BFSP1: variants seen among roughly 807,000 people sequenced by gnomAD.
BFSP1 encodes the protein filensin.
Under a neutral mutation model 43.9 loss-of-function variants are expected in BFSP1, and 38 were observed. That is an observed-to-expected ratio of 0.87 (90% CI 0.67 to 1.14). The LOEUF is 1.14. Ranked by LOEUF, BFSP1 falls within the 50% of genes most tolerant of loss-of-function variation. The probability of loss-of-function intolerance (pLI) is 0.00; values close to 1 mark genes in which losing one functional copy is unlikely to be tolerated. For missense variants in BFSP1, 850 were observed against 875.1 expected, an observed-to-expected ratio of 0.97 and a Z score of 0.36; for synonymous variants, 352 against 354.8, an observed-to-expected ratio of 0.99 and a Z score of 0.09.
intron 2 of BFSP1, among the ~76,000 whole-genome samples, chr20:17,517,719 G>A (rs1238429132): frequency 6.6e-6 from 1 of 152,204 alleles, no homozygotes; most frequent in Non-Finnish European, 1.5e-5. Context: ...TAAGTTAGTA[G>A]TGAGATATCT....
chr20:17,505,832 A>C (rs140996961), intron 5 of BFSP1, among the ~76,000 whole-genome samples: 1,569 of 152,296 alleles, frequency 0.01, 31 homozygotes, highest in African/African-American at 0.035. Flanking sequence ...CCACTGAGTC[A>C]GGAGCTCCCG....
chr20:17,556,541 A>G (rs1232135787), intron 1 of BFSP1, among the ~76,000 whole-genome samples: 1 of 152,120 alleles, frequency 6.6e-6, no homozygotes, highest in East Asian at 1.9e-4. Context: ...AAACACAGGA[A>G]CACAAAACTA....
At chr20:17,496,582 G>A (rs1210127781) in intron 7 of BFSP1, among the ~76,000 whole-genome samples, 2 of 152,108 alleles carry the variant, frequency 1.3e-5, no homozygotes, top group Non-Finnish European at 2.9e-5. Flanking sequence ...CCGAGCGGAG[G>A]GAGCAAGAAG....
chr20:17,517,566 G>GAGCC (rs2034226981), intron 2 of BFSP1, among the ~76,000 whole-genome samples: 1 of 152,168 alleles, frequency 6.6e-6, no homozygotes, highest in Non-Finnish European at 1.5e-5. Flanking sequence ...TTACAGGTGT[G>GAGCC]AGCCACCGTG....
rs142199127 is a variant in BFSP1, at chr20:17,521,383, A to G, written c.438+3465T>C. On this transcript the variant is annotated intron_variant, in intron 2 of 7. Coordinates refer to ENST00000377873, the MANE Select transcript of BFSP1 (RefSeq NM_001195.5). ...TGGTTTTGTGAAGGCAGGGGCCATC[A>G]GTCCTTTCACATACACTGCAATATC... Among the ~76,000 whole-genome samples the G allele has an allele frequency of 5.8e-3, 880 of 152,354 alleles. 6 individuals are homozygous for G. The highest frequency in any genetic ancestry group is 0.02 in the East Asian group (104 of 5,194).
chr20:17,560,982 T>C (rs574004005), upstream of BFSP1, among the ~76,000 whole-genome samples: 11 of 152,350 alleles, frequency 7.2e-5, no homozygotes, highest in African/African-American at 2.4e-4. Context: ...CTCTCTTGTT[T>C]TTACATGTTA....
intron 1 of BFSP1, among the ~76,000 whole-genome samples, chr20:17,530,088 T>C (rs2123533278): frequency 6.6e-6 from 1 of 152,320 alleles, no homozygotes; most frequent in South Asian, 2.1e-4. Context: ...CTTGTTAAAA[T>C]GCAGATTCTG....
intron 2 of BFSP1, among the ~76,000 whole-genome samples, chr20:17,515,521 C>T (rs981129190): frequency 2.0e-5 from 3 of 152,160 alleles, no homozygotes; most frequent in African/African-American, 2.4e-5. Flanking sequence ...AGGTTGGAAA[C>T]GACATTGATC....
intron 1 of BFSP1, among the ~76,000 whole-genome samples, chr20:17,554,702 C>T (rs978654251): frequency 2.6e-5 from 4 of 152,164 alleles, no homozygotes; most frequent in African/African-American, 4.8e-5. Context: ...AGATAAGGAT[C>T]GCCACCAGTC....
At chr20:17,566,640 T>C (rs1377661769) in intron 1 of BFSP1, among the ~76,000 whole-genome samples, 1 of 152,182 alleles carries the variant, frequency 6.6e-6, no homozygotes, top group African/African-American at 2.4e-5. Context: ...ATGGTGGAAG[T>C]GGCAAGCAGT....
chr20:17,546,880 C>T (rs529328084), intron 1 of BFSP1, among the ~76,000 whole-genome samples: 21 of 149,670 alleles, frequency 1.4e-4, no homozygotes, highest in Non-Finnish European at 2.5e-4. Flanking sequence ...AAAAATTAGC[C>T]GGGTGTGGTG....
chr20:17,509,603 A>T (rs1176946312), intron 4 of BFSP1, among the ~76,000 whole-genome samples: 1 of 151,882 alleles, frequency 6.6e-6, no homozygotes, highest in East Asian at 1.9e-4. Flanking sequence ...AAAGGATTTG[A>T]CTCTCAAAGC....
At chr20:17,553,877 A>G (rs150853593) in intron 1 of BFSP1, among the ~76,000 whole-genome samples, 3,436 of 134,526 alleles carry the variant, frequency 0.026, 127 homozygotes, top group Non-Finnish European at 0.039. Flanking sequence ...ATATACATAT[A>G]TATATATACA....
intron 2 of BFSP1, among the ~76,000 whole-genome samples, chr20:17,523,945 GT>G (rs1312461099): frequency 6.6e-6 from 1 of 152,078 alleles, no homozygotes; most frequent in Non-Finnish European, 1.5e-5. Context: ...GGAGTTCCAT[GT>G]GGCAAAGAAG....
intron 1 of BFSP1, among the ~76,000 whole-genome samples, chr20:17,529,335 C>G (rs2034485534): frequency 6.6e-6 from 1 of 152,208 alleles, no homozygotes; most frequent in African/African-American, 2.4e-5. Context: ...CTTGGCCTCC[C>G]AAAGTGCTGG....
At chr20:17,548,090 A>G (rs1156306320) in intron 1 of BFSP1, among the ~76,000 whole-genome samples, 1 of 150,586 alleles carries the variant, frequency 6.6e-6, no homozygotes, top group Non-Finnish European at 1.5e-5. Context: ...AACAAATATT[A>G]ATAGTGGGCA....
At position 17,494,470 on chromosome 20, in the gene BFSP1, T is replaced by A; in HGVS notation, c.1602A>T (p.Gly534=). 6.2e-7 allele frequency: 1 copy of A among 1,614,204 alleles called. No individual in the cohort carries two copies. The highest frequency in any genetic ancestry group is 1.1e-5 in the South Asian group (1 of 91,084). ...GQVGLQEKED[G]QPIDQQPIDK... Reference sequence around the variant, plus strand: ...CTATAGGCTGCTGGTCAATTGGTTGTCCATCTTCTTTCTCCTGCAGACCCA... The same window carrying A: ...CTATAGGCTGCTGGTCAATTGGTTGACCATCTTCTTTCTCCTGCAGACCCA... Residue 534 remains glycine (G), a synonymous_variant, in exon 8 of 8, where the codon GGA becomes GGT. Coordinates refer to ENST00000377873, the MANE Select transcript of BFSP1 (RefSeq NM_001195.5).
chr20:17,545,716 A>G (rs1004485599), intron 1 of BFSP1, among the ~76,000 whole-genome samples: 1 of 152,270 alleles, frequency 6.6e-6, no homozygotes, highest in Non-Finnish European at 1.5e-5. Context: ...TAGATGTCCC[A>G]ATACCAATAA....
At chr20:17,495,677 C>G (rs2123447865) in intron 7 of BFSP1, among the ~76,000 whole-genome samples, 1 of 152,340 alleles carries the variant, frequency 6.6e-6, no homozygotes, top group East Asian at 1.9e-4. Context: ...TCCCCTGCCC[C>G]AAGTCCACCC....
Sources: allele counts gnomAD v4.1 joint callset (sites outside exome capture counted in the v4.1 genomes callset), GRCh38; gene constraint gnomAD v4.1.1; transcripts MANE v1.5; gene names NCBI Gene and HGNC (gene_info 2026-07-23, HGNC 2026-07-21).